The following CADM1 variants were observed in gnomAD, a reference collection of about 807,000 sequenced individuals.
CADM1 encodes the protein TSLC-1.
Under a neutral mutation model 53.1 loss-of-function variants are expected in CADM1, and 15 were observed. The observed-to-expected ratio is 0.28, with a 90% CI of 0.19 to 0.44. The LOEUF is 0.44. Ranked by LOEUF, CADM1 falls within the 20% of genes least tolerant of loss-of-function variation. CADM1 has a pLI of 1.00. For missense variants in CADM1, 434 were observed against 611.3 expected, an observed-to-expected ratio of 0.71 and a Z score of 3.06; for synonymous variants, 281 against 243.0, an observed-to-expected ratio of 1.16 and a Z score of -1.45.
At chr11:115,278,482 G>A (rs1943502961) in intron 1 of CADM1, among the ~76,000 whole-genome samples, 1 of 152,158 alleles carries the variant, frequency 6.6e-6, no homozygotes, top group African/African-American at 2.4e-5. Context: ...GAGAGAGGAA[G>A]AAGGGCCTTA....
intron 8 of CADM1, among the ~76,000 whole-genome samples, chr11:115,200,037 A>G (rs1234394210): frequency 1.3e-5 from 2 of 152,224 alleles, no homozygotes; most frequent in Admixed American, 6.5e-5. Flanking sequence ...CATGCTTTCC[A>G]GAGGATCCTA....
At chr11:115,443,536 G>C (rs1325659362) in intron 1 of CADM1, among the ~76,000 whole-genome samples, 1 of 152,012 alleles carries the variant, frequency 6.6e-6, no homozygotes, top group Non-Finnish European at 1.5e-5. Flanking sequence ...AAATTCAAAG[G>C]CTACCCACTG....
At chr11:115,246,915 G>A (rs1238085494) in intron 1 of CADM1, among the ~76,000 whole-genome samples, 1 of 152,042 alleles carries the variant, frequency 6.6e-6, no homozygotes, top group African/African-American at 2.4e-5. Flanking sequence ...ATTTTTGAAT[G>A]GCAAGTTTAA....
chr11:115,412,431 C>T lies in CADM1; in HGVS notation c.124+91840G>A, dbSNP rs887707914. Among the ~76,000 whole-genome samples, 4 of 152,144 alleles carry T rather than the reference C, an allele frequency of 2.6e-5. No individual in the cohort carries two copies. In the South Asian group the frequency reaches 6.2e-4, roughly 24 times the overall value. ...GGCTAGCCTTGACTAGCCTGGTACT[C>T]GGGCTCAAGTGAAACTCTCAGCCTC... On this transcript the variant is annotated intron_variant, in intron 1 of 11. Transcript: ENST00000331581.
intron 1 of CADM1, among the ~76,000 whole-genome samples, chr11:115,447,756 G>C (rs182454039): frequency 4.7e-4 from 71 of 152,298 alleles, no homozygotes; most frequent in African/African-American, 1.7e-3. Flanking sequence ...CCTCCAAAGA[G>C]ACACCTTCTC....
At chr11:115,477,976 AT>A (rs1376373905) in intron 1 of CADM1, among the ~76,000 whole-genome samples, 3 of 152,244 alleles carry the variant, frequency 2.0e-5, no homozygotes, top group African/African-American at 7.2e-5. Flanking sequence ...AAGAGGTTCA[AT>A]TCTACTCAAA....
At chr11:115,308,366 T>G (rs1000648005) in intron 1 of CADM1, among the ~76,000 whole-genome samples, 1 of 151,898 alleles carries the variant, frequency 6.6e-6, no homozygotes, top group African/African-American at 2.4e-5. Flanking sequence ...TGATTGAAGC[T>G]CAGACATAAA....
chr11:115,480,945 G>C (rs1273845800), intron 1 of CADM1, among the ~76,000 whole-genome samples: 2 of 151,666 alleles, frequency 1.3e-5, no homozygotes, highest in East Asian at 3.9e-4. Context: ...GCCTCCTCCT[G>C]AGCCTCATCA....
At chr11:115,349,728 G>A (rs1945676491) in intron 1 of CADM1, among the ~76,000 whole-genome samples, 1 of 152,134 alleles carries the variant, frequency 6.6e-6, no homozygotes, top group African/African-American at 2.4e-5. Context: ...CTGTTCAAGG[G>A]CTTGACAGAC....
chr11:115,404,346 AATATATATATATATATATAT>A (rs869231204), intron 1 of CADM1, among the ~76,000 whole-genome samples: 1 of 33,792 alleles, frequency 3.0e-5, no homozygotes, highest in East Asian at 1.0e-3. Context: ...AAAAAAAAAA[AATATATATATATATATATAT>A]ATATATATAT....
At chr11:115,298,842 G>A (rs979126972) in intron 1 of CADM1, among the ~76,000 whole-genome samples, 6 of 152,206 alleles carry the variant, frequency 3.9e-5, no homozygotes, top group South Asian at 2.1e-4. Context: ...CCTCCTTCTC[G>A]GTTACAGTGG....
intron 1 of CADM1, among the ~76,000 whole-genome samples, chr11:115,353,341 C>T (rs1945785455): frequency 6.6e-6 from 1 of 152,184 alleles, no homozygotes; most frequent in Non-Finnish European, 1.5e-5. Context: ...CCAATACAGA[C>T]ATCACTAGCC....
At chr11:115,189,597 G>A (rs1249758544) in intron 10 of CADM1, among the ~76,000 whole-genome samples, 3 of 152,056 alleles carry the variant, frequency 2.0e-5, no homozygotes, top group East Asian at 3.9e-4. Flanking sequence ...AATAAAACTA[G>A]GTAAATGTTT....
intron 11 of CADM1, among the ~76,000 whole-genome samples, chr11:115,177,493 G>A (rs1939090810): frequency 6.6e-6 from 1 of 152,182 alleles, no homozygotes; most frequent in African/African-American, 2.4e-5. Context: ...ATTTAAAAAG[G>A]TTGAGACATT....
chr11:115,338,040 GC>G (rs1167480743), intron 1 of CADM1, among the ~76,000 whole-genome samples: 1 of 152,078 alleles, frequency 6.6e-6, no homozygotes, highest in African/African-American at 2.4e-5. Flanking sequence ...AGGAAGACTG[GC>G]TCTTCTCAGA....
intron 1 of CADM1, among the ~76,000 whole-genome samples, chr11:115,446,231 C>T (rs778136773): frequency 2.0e-5 from 3 of 152,142 alleles, no homozygotes; most frequent in Non-Finnish European, 4.4e-5. Flanking sequence ...AGGGGTCAGG[C>T]ATTGTTGTTC....
chr11:115,323,634 T>G (rs1253008001), intron 1 of CADM1, among the ~76,000 whole-genome samples: 2 of 152,150 alleles, frequency 1.3e-5, no homozygotes, highest in Non-Finnish European at 2.9e-5. Flanking sequence ...AAGCACAGAT[T>G]CAGTTTCAGA....
At chr11:115,479,857 C>T (rs531747622) in intron 1 of CADM1, among the ~76,000 whole-genome samples, 1 of 152,264 alleles carries the variant, frequency 6.6e-6, no homozygotes, top group East Asian at 1.9e-4. Flanking sequence ...AAGAAGCATT[C>T]ACAAGTTAAC....
intron 10 of CADM1, among the ~76,000 whole-genome samples, chr11:115,183,465 C>T (rs1591581667): frequency 6.6e-6 from 1 of 152,180 alleles, no homozygotes; most frequent in South Asian, 2.1e-4. Flanking sequence ...CTAGTACATC[C>T]TAGACAAGCT....
Sources: allele counts gnomAD v4.1 joint callset (sites outside exome capture counted in the v4.1 genomes callset), GRCh38; gene constraint gnomAD v4.1.1; transcripts MANE v1.5; gene names NCBI Gene and HGNC (gene_info 2026-07-23, HGNC 2026-07-21).